PRKD2: variants seen among roughly 807,000 people sequenced by gnomAD.
PRKD2 encodes protein kinase D2.
PRKD2 carries 22 observed loss-of-function variants against 86.0 expected under a neutral mutation model. That is an observed-to-expected ratio of 0.26 (90% CI 0.18 to 0.37). The LOEUF is 0.37. PRKD2 is among the 10% of genes least tolerant of loss of function. PRKD2 has a pLI of 1.00. For missense variants in PRKD2, 818 were observed against 1,199.2 expected (o/e 0.68, Z 4.70); for synonymous variants, 509 against 510.9 (o/e 1.00, Z 0.05).
chr19:46,691,669 G>A (rs938577642), intron 12 of PRKD2, 66 bp downstream of exon 12: 9 of 1,504,504 alleles, frequency 6.0e-6, no homozygotes, highest in Admixed American at 5.0e-5. Context: ...AGAAAGAAAG[G>A]GCTGGAGCCA....
At chr19:46,684,707 G>A (rs931120164) in intron 14 of PRKD2, among the ~76,000 whole-genome samples, 1 of 152,174 alleles carries the variant, frequency 6.6e-6, no homozygotes, top group Non-Finnish European at 1.5e-5. Context: ...GCTTACGCCT[G>A]TAATCCCAGC....
Position 46,690,702 on chromosome 19 carries a change from T to C in PRKD2, c.1707A>G (p.Lys569=). The C allele has an allele frequency of 6.2e-7, 1 of 1,613,826 alleles. No homozygotes were observed. The highest frequency in any genetic ancestry group is 8.5e-7 in the Non-Finnish European group (1 of 1,179,850). ...CCACGTCCCGGCCTGTCTTCCGGTG[T>C]TTTCCTGCACAGGGAGTAGAAGAGA... ...SGQFGVVYGG[K]HRKTGRDVAV... The change falls in exon 13 of 18, where the codon AAA becomes AAG. Residue 569 remains lysine, a synonymous_variant. Transcript: ENST00000291281.
At chr19:46,697,076 G>T in intron 9 of PRKD2, 81 bp downstream of exon 9, 1 of 1,134,610 alleles carries the variant, frequency 8.8e-7, no homozygotes, top group Non-Finnish European at 1.3e-6. Context: ...TCTGTCTGGA[G>T]TAACTGGGGG....
chr19:46,681,602 CA>C (rs758121701), intron 15 of PRKD2, 47 bp downstream of exon 15: 6 of 1,110,112 alleles, frequency 5.4e-6, no homozygotes, highest in Non-Finnish European at 6.6e-6. Flanking sequence ...CCACCCCGGC[CA>C]TCAGTGTTGC....
chr19:46,693,924 C>T lies in PRKD2; in HGVS notation c.1527G>A (p.Met509Ile). Residue 509 changes from methionine to isoleucine, a missense_variant, in exon 10 of 18, where the codon ATG (methionine) becomes ATA (isoleucine). By Grantham distance (10) the Met-to-Ile change is conservative (BLOSUM62 1). Coordinates refer to ENST00000291281, the MANE Select transcript of PRKD2 (RefSeq NM_016457.5). This position sits in a 1 kb window ranked among gnomAD's most constrained non-coding sequence, Gnocchi z 4.5. ...GWETAIRQAL[M>I]PVILQDAPSA... ...TGGGTGCGTCCTGAAGGATGACGGGCATCAGGGCCTGGCGGATGGCTGTCT... is the reference window on the plus strand; with the variant it reads ...TGGGTGCGTCCTGAAGGATGACGGGTATCAGGGCCTGGCGGATGGCTGTCT... 1 of 1,610,190 alleles carries T rather than the reference C, an allele frequency of 6.2e-7. No individual in the cohort carries two copies. Among genetic ancestry groups the T allele is most frequent in the Non-Finnish European group, 8.5e-7 (1 of 1,179,422 alleles).
chr19:46,691,879 A>G (rs1182517195), intron 11 of PRKD2, 54 bp downstream of exon 11: 1 of 1,610,648 alleles, frequency 6.2e-7, no homozygotes, highest in Non-Finnish European at 8.5e-7. Context: ...GAGACGAGAG[A>G]GCTGAGGAGG....
Position 46,716,047 on chromosome 19 carries a change from C to A in PRKD2, c.240+84G>T. On this transcript the variant is annotated intron_variant, in intron 1 of 17. Transcript: ENST00000291281. The surrounding 1 kb of genome is among the most constrained non-coding windows in gnomAD (Gnocchi z 7.9). ...GCTCAGGTCTCCTTCCTCCCTCTTC[C>A]GCACACCAGGCCCCAGACCCCTCTG... 3.9e-6 allele frequency: 6 copies of A among 1,538,818 alleles called. No homozygotes were observed. The highest frequency in any genetic ancestry group is 5.2e-6 in the Non-Finnish European group (6 of 1,144,136).
At chr19:46,706,962 G>A (rs1253974951) in intron 3 of PRKD2, among the ~76,000 whole-genome samples, 2 of 148,114 alleles carry the variant, frequency 1.4e-5, no homozygotes, top group Admixed American at 1.4e-4. Context: ...GTATGATCTC[G>A]GCTCACTGCA....
At chr19:46,689,132 TTTTTC>T (rs1568720953) in intron 14 of PRKD2, 1 of 149,090 alleles carries the variant, frequency 6.7e-6, no homozygotes, top group African/African-American at 2.5e-5. Context: ...TTTTTTTTTT[TTTTTC>T]TTGAGATGGA....
At chr19:46,710,469 T>TC in intron 3 of PRKD2, 1 of 158,288 alleles carries the variant, frequency 6.3e-6, no homozygotes, top group Non-Finnish European at 1.4e-5. Context: ...ATTACTGGCC[T>TC]CCCCCACTGT....
intron 15 of PRKD2, among the ~76,000 whole-genome samples, chr19:46,680,630 A>G (rs1027202247): frequency 4.0e-5 from 6 of 151,756 alleles, no homozygotes; most frequent in African/African-American, 7.2e-5. Flanking sequence ...GGGCATGTCA[A>G]TCTATTTCCC....
intron 3 of PRKD2, among the ~76,000 whole-genome samples, chr19:46,707,789 T>C (rs1221619115): frequency 6.6e-6 from 1 of 151,876 alleles, no homozygotes; most frequent in Non-Finnish European, 1.5e-5. Flanking sequence ...CCTTGAGACA[T>C]CTTGGCTTAA....
At chr19:46,683,258 C>A (rs2053339823) in intron 14 of PRKD2, among the ~76,000 whole-genome samples, 1 of 150,790 alleles carries the variant, frequency 6.6e-6, no homozygotes, top group Non-Finnish European at 1.5e-5. Flanking sequence ...CCATGCCCGG[C>A]TAATTTTTGT....
chr19:46,705,644 G>T (rs1000854469), intron 3 of PRKD2, among the ~76,000 whole-genome samples: 1 of 151,992 alleles, frequency 6.6e-6, no homozygotes, highest in Non-Finnish European at 1.5e-5. Flanking sequence ...AAACTTAGCC[G>T]GGTGTAGTGG....
rs749716662 is a variant in PRKD2, at chr19:46,691,920, G to A, written c.1629+13C>T. The A allele has an allele frequency of 8.7e-6, 14 of 1,613,250 alleles. No individual in the cohort carries two copies. The highest frequency in any genetic ancestry group is 1.2e-5 in the Non-Finnish European group (14 of 1,179,400). ...TGGGAGGGGAGGGCATCAGGTGGGG[G>A]CAGGAGTCTCACCACATTCTCTTGG... On this transcript the variant is annotated intron_variant, in intron 11 of 17. Transcript: ENST00000291281.
chr19:46,713,828 G>T, intron 2 of PRKD2, 35 bp downstream of exon 2: 1 of 393,612 alleles, frequency 2.5e-6, no homozygotes, highest in South Asian at 4.3e-5. Context: ...GCCCCCACCC[G>T]AGGCCCCGCC....
chr19:46,690,731 G>A, intron 12 of PRKD2, 25 bp from the exon 13 acceptor site: 5 of 1,603,974 alleles, frequency 3.1e-6, no homozygotes, highest in Non-Finnish European at 4.3e-6. Context: ...GAAGAGATGG[G>A]GGATGAGAGA....
chr19:46,714,944 C>CTAAG (rs1759061695), intron 1 of PRKD2, among the ~76,000 whole-genome samples: 1 of 152,192 alleles, frequency 6.6e-6, no homozygotes, highest in African/African-American at 2.4e-5. Context: ...AAGTTTTTCT[C>CTAAG]TAAGCTTCAG....
intron 7 of PRKD2, among the ~76,000 whole-genome samples, chr19:46,699,889 C>T (rs547571241): frequency 6.7e-5 from 10 of 148,402 alleles, no homozygotes; most frequent in Admixed American, 4.0e-4. Flanking sequence ...TCAAGACCAC[C>T]CTGGGCAACA....
Sources: allele counts gnomAD v4.1 joint callset (sites outside exome capture counted in the v4.1 genomes callset), GRCh38; gene constraint gnomAD v4.1.1; non-coding constraint Gnocchi (gnomAD v3.1); transcripts MANE v1.5; gene names NCBI Gene and HGNC (gene_info 2026-07-23, HGNC 2026-07-21).